The following KALRN variants were observed in gnomAD, a reference collection of about 807,000 sequenced individuals.
KALRN encodes the protein kalirin.
KALRN carries 70 observed loss-of-function variants against 353.7 expected under a neutral mutation model. The ratio of observed to expected loss-of-function variants is 0.20; its 90% confidence interval spans 0.16 to 0.24. The LOEUF is 0.24. Among genes scored for constraint, KALRN ranks in the 10% least tolerant of loss-of-function variants. The pLI is 1.00. For missense variants in KALRN, 2,791 were observed against 3,756.7 expected (o/e 0.74, Z 6.72); for synonymous variants, 1,391 against 1,434.8 (o/e 0.97, Z 0.69).
chr3:124,630,911 T>C (rs1173863335), intron 34 of KALRN, among the ~76,000 whole-genome samples: 1 of 152,214 alleles, frequency 6.6e-6, no homozygotes, highest in Non-Finnish European at 1.5e-5. Context: ...ATACTCTGTC[T>C]TGTTTCTCAC....
intron 34 of KALRN, among the ~76,000 whole-genome samples, chr3:124,572,269 G>A (rs921798460): frequency 4.0e-5 from 6 of 150,802 alleles, no homozygotes; most frequent in South Asian, 2.1e-4. Flanking sequence ...AGGTTGCAGT[G>A]AGCCTAGATT....
chr3:124,290,547 G>A (rs1020875684), intron 5 of KALRN, among the ~76,000 whole-genome samples: 5 of 152,152 alleles, frequency 3.3e-5, no homozygotes, highest in East Asian at 1.9e-4. Flanking sequence ...TCATTGGAGG[G>A]TTTAGCAGCA....
chr3:124,664,334 AGTGTGTGTGTGT>A (rs750940277), intron 45 of KALRN, among the ~76,000 whole-genome samples: 24 of 126,882 alleles, frequency 1.9e-4, no homozygotes, highest in Non-Finnish European at 3.4e-4. Context: ...TGTACATGTG[AGTGTGTGTGTGT>A]GTGTGTGTGT....
chr3:124,182,588 C>G (rs2073747272), intron 1 of KALRN, among the ~76,000 whole-genome samples: 1 of 152,176 alleles, frequency 6.6e-6, no homozygotes, highest in Non-Finnish European at 1.5e-5. Context: ...ATCACCTTTG[C>G]CTTATTATAC....
intron 33 of KALRN, among the ~76,000 whole-genome samples, chr3:124,536,247 G>C (rs1048983911): frequency 3.5e-5 from 5 of 144,110 alleles, no homozygotes; most frequent in African/African-American, 1.3e-4. Flanking sequence ...TGTCACCAAG[G>C]CTGGAGTGCA....
chr3:124,508,583 G>A (rs980459679), intron 33 of KALRN, among the ~76,000 whole-genome samples: 33 of 151,982 alleles, frequency 2.2e-4, no homozygotes, highest in Admixed American at 7.2e-4. Context: ...GCAATGTTTG[G>A]GGCAATTGTG....
At chr3:124,489,176 G>A (rs1232233275) in intron 29 of KALRN, among the ~76,000 whole-genome samples, 1 of 152,094 alleles carries the variant, frequency 6.6e-6, no homozygotes, top group East Asian at 1.9e-4. Flanking sequence ...GGGTGGTGGT[G>A]CATGCCTGTA....
At chr3:124,604,637 G>C (rs1251308540) in intron 34 of KALRN, among the ~76,000 whole-genome samples, 1 of 152,090 alleles carries the variant, frequency 6.6e-6, no homozygotes, top group Non-Finnish European at 1.5e-5. Flanking sequence ...AGTTTTTCCT[G>C]ATTCAAAATT....
intron 15 of KALRN, among the ~76,000 whole-genome samples, chr3:124,429,137 GCAAA>G (rs2093161416): frequency 6.6e-6 from 1 of 152,164 alleles, no homozygotes; most frequent in Admixed American, 6.5e-5. Context: ...GGGATTTCAC[GCAAA>G]CACTCTGAGC....
intron 10 of KALRN, among the ~76,000 whole-genome samples, chr3:124,383,124 G>T (rs1192118616): frequency 1.3e-5 from 2 of 152,174 alleles, no homozygotes; most frequent in African/African-American, 2.4e-5. Context: ...TTGGAACGAT[G>T]TTTACCTTGG....
chr3:124,669,961 TTC>T (rs1242257892), intron 47 of KALRN, among the ~76,000 whole-genome samples: 2 of 137,316 alleles, frequency 1.5e-5, no homozygotes, highest in Non-Finnish European at 3.1e-5. Context: ...CCCATATATT[TTC>T]TTTTTTTTTT....
chr3:124,365,476 C>T (rs1402010870), intron 10 of KALRN, among the ~76,000 whole-genome samples: 5 of 152,192 alleles, frequency 3.3e-5, no homozygotes, highest in Non-Finnish European at 1.5e-5. Flanking sequence ...CTGACACCTA[C>T]ATTTCTGCTG....
chr3:124,068,815 A>C (rs1464416578), intron 1 of KALRN, among the ~76,000 whole-genome samples: 2 of 152,038 alleles, frequency 1.3e-5, no homozygotes, highest in African/African-American at 4.8e-5. Flanking sequence ...GGAGTTGTGG[A>C]GGGGTAAAGA....
At chr3:124,693,123 A>G (rs2061898718) in intron 51 of KALRN, among the ~76,000 whole-genome samples, 2 of 151,976 alleles carry the variant, frequency 1.3e-5, no homozygotes, top group African/African-American at 4.8e-5. Context: ...TCATTTTCTC[A>G]CCTATGAAGT....
intron 1 of KALRN, among the ~76,000 whole-genome samples, chr3:124,055,457 A>G (rs57847743): frequency 0.085 from 12,936 of 152,168 alleles, 583 homozygotes; most frequent in Middle Eastern, 0.13. Flanking sequence ...TATTCACTCT[A>G]TTCTATCTAG....
chr3:124,235,645 A>G (rs181761548), intron 3 of KALRN, among the ~76,000 whole-genome samples: 2 of 152,082 alleles, frequency 1.3e-5, no homozygotes, highest in East Asian at 2.0e-4. Context: ...GTGGTTCACA[A>G]GGGTCAGTGG....
intron 1 of KALRN, among the ~76,000 whole-genome samples, chr3:124,073,241 T>C (rs1559905307): frequency 6.6e-6 from 1 of 152,188 alleles, no homozygotes; most frequent in Non-Finnish European, 1.5e-5. Flanking sequence ...TCCAGTCTAG[T>C]TTCAGAGTAC....
chr3:124,702,256 G>A (rs9845399), intron 57 of KALRN, 140 bp downstream of exon 57: 501 of 511,694 alleles, frequency 9.8e-4, no homozygotes, highest in African/African-American at 9.0e-3. Context: ...TAAAATATTC[G>A]TTTGTATTTT....
intron 10 of KALRN, among the ~76,000 whole-genome samples, chr3:124,364,808 A>ACTCTCAAACCGTGCTT (rs2084460463): frequency 6.6e-6 from 1 of 151,924 alleles, no homozygotes; most frequent in Non-Finnish European, 1.5e-5. Context: ...GGGGTCTCTG[A>ACTCTCAAACCGTGCTT]CTCTCAAACC....
Sources: allele counts gnomAD v4.1 joint callset (sites outside exome capture counted in the v4.1 genomes callset), GRCh38; gene constraint gnomAD v4.1.1; transcripts MANE v1.5; gene names NCBI Gene and HGNC (gene_info 2026-07-23, HGNC 2026-07-21).